The following RCAN2 variants were observed in gnomAD, a reference collection of about 807,000 sequenced individuals.
RCAN2 encodes regulator of calcineurin 2, also known as calcipressin-2.
A neutral mutation model predicts 23.6 loss-of-function variants in RCAN2; 9 were observed. The ratio of observed to expected loss-of-function variants is 0.38; its 90% CI spans 0.23 to 0.67. RCAN2 has a LOEUF of 0.67. RCAN2 is among the 30% of genes least tolerant of loss of function. The pLI is 0.51. For missense variants in RCAN2, 273 were observed against 302.3 expected, an observed-to-expected ratio of 0.90 and a Z score of 0.72; for synonymous variants, 109 against 115.7, an observed-to-expected ratio of 0.94 and a Z score of 0.37.
Position 46,264,415 on chromosome 6 carries a change from T to C in RCAN2, c.226-15519A>G, listed in dbSNP as rs767558771. ...AGATGCAGATATAAGGAACTTCTTATGATTCAATCATTAAATTTAGAAAGT... is the reference window on the plus strand; with the variant it reads ...AGATGCAGATATAAGGAACTTCTTACGATTCAATCATTAAATTTAGAAAGT... On this transcript the variant is annotated intron_variant, in intron 2 of 4. Coordinates refer to ENST00000371374, the MANE Select transcript of RCAN2 (RefSeq NM_001251974.2). 4.6e-5 allele frequency among the ~76,000 whole-genome samples: 7 copies of C among 152,228 alleles called. No individual in the cohort carries two copies. In the South Asian group the frequency reaches 1.4e-3, roughly 32 times the overall value.
chr6:46,298,276 G>A (rs1042091899), intron 2 of RCAN2, among the ~76,000 whole-genome samples: 1 of 152,010 alleles, frequency 6.6e-6, no homozygotes. Flanking sequence ...AAAGTCACCC[G>A]TAGTTGTAAA....
chr6:46,231,011 A>G (rs1446409072), intron 4 of RCAN2, among the ~76,000 whole-genome samples: 1 of 152,172 alleles, frequency 6.6e-6, no homozygotes, highest in Non-Finnish European at 1.5e-5. Context: ...AGACATTCAG[A>G]GTCAGCCATT....
chr6:46,348,540 T>C (rs1764555811), intron 2 of RCAN2, among the ~76,000 whole-genome samples: 1 of 152,186 alleles, frequency 6.6e-6, no homozygotes, highest in Non-Finnish European at 1.5e-5. Context: ...CATTAGACCT[T>C]GGTGCTGGAG....
At chr6:46,412,420 G>T (rs1241907877) in intron 2 of RCAN2, among the ~76,000 whole-genome samples, 1 of 152,130 alleles carries the variant, frequency 6.6e-6, no homozygotes, top group Non-Finnish European at 1.5e-5. Context: ...AGATTGTGGG[G>T]GGCATCATTG....
At chr6:46,269,462 T>TA (rs1340356022) in intron 2 of RCAN2, among the ~76,000 whole-genome samples, 1 of 152,242 alleles carries the variant, frequency 6.6e-6, no homozygotes, top group Non-Finnish European at 1.5e-5. Flanking sequence ...ATCTCTTTTT[T>TA]AAAAAAGATC....
rs897250412 is a variant in RCAN2 at position 46,222,131 on chromosome 6, G to T, written c.*1010C>A. On this transcript the variant is annotated 3_prime_UTR_variant, in exon 5 of 5. Coordinates refer to ENST00000371374, the MANE Select transcript of RCAN2 (RefSeq NM_001251974.2). The stretch of plus-strand genomic sequence containing the variant: ...TGTATATATTGGCATTAGATGTTTT[G>T]TGTCCTTTCAAAATTCAGCATTATC... 1.0e-5 allele frequency: 4 copies of T among 396,480 alleles called. No homozygotes were observed. Among genetic ancestry groups the T allele is most frequent in the Non-Finnish European group, 1.3e-5 (3 of 224,980 alleles). 24.6% of individuals were successfully genotyped at this position (396,480 alleles called of 1,614,324 possible). A position where few individuals can be genotyped will look rare whatever the true frequency, so the allele number is the denominator to read the frequency against.
intron 2 of RCAN2, among the ~76,000 whole-genome samples, chr6:46,338,386 A>G (rs749873774): frequency 6.6e-6 from 1 of 152,144 alleles, no homozygotes; most frequent in African/African-American, 2.4e-5. Flanking sequence ...TCTAGAGTCA[A>G]AAGTTCGGGT....
At chr6:46,247,520 G>C (rs150732867) in intron 3 of RCAN2, among the ~76,000 whole-genome samples, 1 of 152,246 alleles carries the variant, frequency 6.6e-6, no homozygotes, top group African/African-American at 2.4e-5. Flanking sequence ...GTCTCCCACT[G>C]GTCACTGGCA....
At chr6:46,441,730 A>G (rs2150422946) in intron 2 of RCAN2, among the ~76,000 whole-genome samples, 1 of 152,362 alleles carries the variant, frequency 6.6e-6, no homozygotes, top group Non-Finnish European at 1.5e-5. Flanking sequence ...AAAATAGAAT[A>G]TTAACAGAAA....
chr6:46,326,306 C>A (rs1248511565), intron 2 of RCAN2, among the ~76,000 whole-genome samples: 2 of 152,188 alleles, frequency 1.3e-5, no homozygotes, highest in East Asian at 3.9e-4. Flanking sequence ...AAAAGCAGTT[C>A]ATGGAAAGGA....
intron 2 of RCAN2, among the ~76,000 whole-genome samples, chr6:46,266,941 C>T (rs1005354149): frequency 8.8e-5 from 5 of 56,864 alleles, no homozygotes; most frequent in African/African-American, 2.8e-4. Context: ...ATTCCACCGA[C>T]ATTTAAAATC....
intron 2 of RCAN2, among the ~76,000 whole-genome samples, chr6:46,278,999 C>G (rs1371866355): frequency 6.6e-6 from 1 of 152,170 alleles, no homozygotes; most frequent in Non-Finnish European, 1.5e-5. Flanking sequence ...ACCAGAATCT[C>G]TTGGGTTGAA....
At chr6:46,459,812 A>G (rs1768158629) in intron 1 of RCAN2, among the ~76,000 whole-genome samples, 1 of 152,158 alleles carries the variant, frequency 6.6e-6, no homozygotes, top group African/African-American at 2.4e-5. Context: ...ATCAGTATTA[A>G]CCACTACATA....
Position 46,220,903 on chromosome 6 carries a change from C to T in RCAN2, c.*2238G>A, listed in dbSNP as rs1211938084. ...GCGTCATGGAAATGCTGAGGCGATTCTGACTTTCACAGTGCTAGGAGGTTC... is the reference window on the plus strand; with the variant it reads ...GCGTCATGGAAATGCTGAGGCGATTTTGACTTTCACAGTGCTAGGAGGTTC... On this transcript the variant is annotated 3_prime_UTR_variant, in exon 5 of 5. Transcript: ENST00000371374. The T allele has an allele frequency of 6.5e-6, 1 of 152,694 alleles. No homozygotes were observed. Among genetic ancestry groups the T allele is most frequent in the Non-Finnish European group, 1.5e-5 (1 of 68,028 alleles). The allele number at this position is 152,694 out of a possible 1,614,324, so 9.5% of individuals were successfully genotyped here.
At chr6:46,296,486 C>A (rs571249466) in intron 2 of RCAN2, among the ~76,000 whole-genome samples, 2 of 152,146 alleles carry the variant, frequency 1.3e-5, no homozygotes, top group South Asian at 4.2e-4. Context: ...TAAATAGACA[C>A]TTATGTTTCT....
chr6:46,381,942 T>C (rs1765625228), intron 2 of RCAN2, among the ~76,000 whole-genome samples: 1 of 152,204 alleles, frequency 6.6e-6, no homozygotes, highest in Non-Finnish European at 1.5e-5. Flanking sequence ...AATATGTCGA[T>C]AGATCAAAAG....
At chr6:46,359,395 G>A (rs189267388) in intron 2 of RCAN2, among the ~76,000 whole-genome samples, 1 of 152,122 alleles carries the variant, frequency 6.6e-6, no homozygotes, top group African/African-American at 2.4e-5. Flanking sequence ...GAAGTGAGAA[G>A]ACAGCAAAGA....
At chr6:46,378,151 G>A (rs1378798599) in intron 2 of RCAN2, among the ~76,000 whole-genome samples, 1 of 152,180 alleles carries the variant, frequency 6.6e-6, no homozygotes, top group Non-Finnish European at 1.5e-5. Context: ...AGTTCAGGGA[G>A]GCTGAGACTT....
chr6:46,257,372 C>A (rs1046617164), intron 2 of RCAN2, among the ~76,000 whole-genome samples: 6 of 152,184 alleles, frequency 3.9e-5, no homozygotes, highest in Non-Finnish European at 8.8e-5. Context: ...TTGAGAAACC[C>A]AGTGTATTAG....
Sources: gnomAD v4.1 joint callset for allele counts (sites outside exome capture counted in the v4.1 genomes callset) on GRCh38, gnomAD v4.1.1 for gene constraint, MANE v1.5 for transcripts, NCBI Gene and HGNC (gene_info 2026-07-23, HGNC 2026-07-21) for gene names.